The following ATOSB variants were observed in gnomAD, a reference collection of about 807,000 sequenced individuals.
ATOSB encodes the protein atos homolog protein B.
At chr9:35,107,318 T>TA in the ATOSB span, 1 of 931,318 alleles carries the variant, frequency 1.1e-6, no homozygotes, top group South Asian at 1.7e-5. Context: ...AGATCCCATC[T>TA]CAAAAAAAAA....
chr9:35,114,333 T>C, the ATOSB span, among the ~76,000 whole-genome samples: 1 of 152,112 alleles, frequency 6.6e-6, no homozygotes, highest in Non-Finnish European at 1.5e-5. Flanking sequence ...CAGCCTGCCC[T>C]TTTTTACCCC....
chr9:35,115,140 G>A, the ATOSB span, among the ~76,000 whole-genome samples: 13 of 152,028 alleles, frequency 8.6e-5, no homozygotes, highest in African/African-American at 3.1e-4. Context: ...AGGGTCCCCC[G>A]GGACCTCAGC....
the ATOSB span, among the ~76,000 whole-genome samples, chr9:35,113,328 A>G: frequency 6.6e-6 from 1 of 152,210 alleles, no homozygotes; most frequent in Non-Finnish European, 1.5e-5. Flanking sequence ...AGCAGGGTAC[A>G]ACCAAGAGGA....
chr9:35,108,881 C>G, the ATOSB span: 1 of 167,898 alleles, frequency 6.0e-6, no homozygotes, highest in African/African-American at 2.4e-5. Flanking sequence ...GGCTTGGGGT[C>G]CAGGGCACAG....
the ATOSB span, among the ~76,000 whole-genome samples, chr9:35,113,997 C>T: frequency 6.6e-6 from 1 of 152,200 alleles, no homozygotes; most frequent in East Asian, 1.9e-4. Flanking sequence ...CATAAATTTC[C>T]AAACCTGTAA....
chr9:35,108,279 C>T, the ATOSB span: 15 of 1,538,722 alleles, frequency 9.7e-6, no homozygotes, highest in Non-Finnish European at 1.3e-5. Flanking sequence ...GCGCATGAAG[C>T]CCCCCTTGGG....
chr9:35,106,463 T>G, the ATOSB span: 4 of 1,612,092 alleles, frequency 2.5e-6, 1 homozygote, highest in Non-Finnish European at 8.5e-7. The surrounding 1 kb of genome is among the most constrained non-coding windows in gnomAD (Gnocchi z 4.6). Flanking sequence ...ATTCTTTTCC[T>G]TATCCATCCA....
the ATOSB span, chr9:35,111,254 C>T: frequency 6.5e-6 from 1 of 153,258 alleles, no homozygotes; most frequent in Non-Finnish European, 1.5e-5. Flanking sequence ...TGCTCTTTCC[C>T]TCTAGCACAC....
chr9:35,108,503 T>C, the ATOSB span: 1 of 1,252,414 alleles, frequency 8.0e-7, no homozygotes. Context: ...TAATGGAATA[T>C]AGAGACCACT....
the ATOSB span, chr9:35,106,647 G>A: frequency 1.3e-6 from 2 of 1,547,526 alleles, no homozygotes; most frequent in Non-Finnish European, 1.7e-6. The surrounding 1 kb of genome is among the most constrained non-coding windows in gnomAD (Gnocchi z 4.6). Context: ...GGGGCTCCTG[G>A]TAGAGGAAGG....
the ATOSB span, chr9:35,107,997 G>T: frequency 3.8e-6 from 6 of 1,587,692 alleles, no homozygotes; most frequent in Non-Finnish European, 5.1e-6. Context: ...TGGTTCTTCA[G>T]GGGGTAGTCC....
At chr9:35,105,896 C>G in the ATOSB span, 1 of 1,613,808 alleles carries the variant, frequency 6.2e-7, no homozygotes, top group Non-Finnish European at 8.5e-7. This position sits in a 1 kb window ranked among gnomAD's most constrained non-coding sequence, Gnocchi z 5.5. Context: ...GGCCTGAGGG[C>G]TGCTTTCCTC....
At chr9:35,108,424 C>T in the ATOSB span, 1 of 1,401,364 alleles carries the variant, frequency 7.1e-7, no homozygotes, top group Non-Finnish European at 9.2e-7. Context: ...GTTTCAGACC[C>T]TCTCCTTGCC....
At chr9:35,105,865 C>T in the ATOSB span, 1 of 1,614,066 alleles carries the variant, frequency 6.2e-7, no homozygotes, top group Non-Finnish European at 8.5e-7. This position sits in a 1 kb window ranked among gnomAD's most constrained non-coding sequence, Gnocchi z 5.5. Context: ...GGTCTAGGGA[C>T]AGGACAGTCA....
At chr9:35,108,383 G>T in the ATOSB span, 1 of 1,418,432 alleles carries the variant, frequency 7.1e-7, no homozygotes, top group Non-Finnish European at 9.1e-7. Flanking sequence ...GGTGGTCAGG[G>T]GAATCAATGA....
the ATOSB span, chr9:35,108,817 C>T: frequency 3.2e-6 from 1 of 310,348 alleles, no homozygotes; most frequent in Non-Finnish European, 4.7e-6. Flanking sequence ...GCTAATAGTA[C>T]ACTCCAGGAC....
the ATOSB span, chr9:35,105,112 G>C: frequency 5.0e-6 from 6 of 1,206,952 alleles, no homozygotes; most frequent in Non-Finnish European, 5.7e-6. This position sits in a 1 kb window ranked among gnomAD's most constrained non-coding sequence, Gnocchi z 5.5. Flanking sequence ...AGCATGGTGA[G>C]GGCTTTAATT....
At chr9:35,111,712 T>TC in the ATOSB span, 2 of 149,054 alleles carry the variant, frequency 1.3e-5, no homozygotes, top group Non-Finnish European at 1.5e-5. Flanking sequence ...GAAGCCAGCC[T>TC]CCCCGCGACC....
At chr9:35,107,040 A>G in the ATOSB span, 1 of 748,762 alleles carries the variant, frequency 1.3e-6, no homozygotes, top group Non-Finnish European at 2.2e-6. Flanking sequence ...TACATGAAGG[A>G]CAGGCGCAGT....
Sources: gnomAD v4.1 joint callset for allele counts (sites outside exome capture counted in the v4.1 genomes callset) on GRCh38, gnomAD v4.1.1 for gene constraint, Gnocchi (gnomAD v3.1) non-coding constraint, MANE v1.5 for transcripts, NCBI Gene and HGNC (gene_info 2026-07-23, HGNC 2026-07-21) for gene names.